MACF1: variants seen among roughly 807,000 people sequenced by gnomAD.
MACF1 encodes the protein microtubule actin crosslinking factor 1.
Under a neutral mutation model 854.8 loss-of-function variants are expected in MACF1, and 193 were observed. The observed-to-expected ratio is 0.23, with a 90% confidence interval of 0.20 to 0.25. MACF1 has a LOEUF of 0.25. Ranked by LOEUF, MACF1 falls within the 10% of genes least tolerant of loss-of-function variation. MACF1 has a pLI of 1.00. For synonymous variants in MACF1, 3,185 were observed against 3,226.7 expected (o/e 0.99, Z 0.44); for missense variants, 7,722 against 8,929.1 (o/e 0.86, Z 5.45).
rs188366750 is a variant in MACF1, at chr1:39,345,815, C to A, written c.10582-1162C>A. On this transcript the variant is annotated intron_variant, in intron 40 of 100. Transcript: ENST00000564288. ...CGGGCGTGTGGCTCACGCCTGTAATCTCAGCACTTTGGGAGGTTAAGGAGG... is the reference window on the plus strand; with the variant it reads ...CGGGCGTGTGGCTCACGCCTGTAATATCAGCACTTTGGGAGGTTAAGGAGG... 4.1e-3 allele frequency among the ~76,000 whole-genome samples: 617 copies of A among 152,254 alleles called. 1 individual carries two copies. The highest frequency in any genetic ancestry group is 7.2e-3 in the Non-Finnish European group (489 of 68,004).
intron 6 of MACF1, among the ~76,000 whole-genome samples, chr1:39,262,098 A>G (rs961475836): frequency 2.0e-5 from 3 of 152,116 alleles, no homozygotes; most frequent in Non-Finnish European, 4.4e-5. Flanking sequence ...AAGGTCTTAG[A>G]TAGAGTGTAT....
Position 39,250,258 on chromosome 1 carries a change from CAGACTT to C in MACF1, c.261+159_261+164del, listed in dbSNP as rs574449318. The C allele has an allele frequency of 1.6e-3, 750 of 456,212 alleles. 2 individuals carry two copies. The highest frequency in any genetic ancestry group is 2.4e-3 in the Non-Finnish European group (606 of 255,600). The allele number at this position is 456,212 out of a possible 1,614,324, so 28.3% of individuals were successfully genotyped here. A position where few individuals can be genotyped will look rare whatever the true frequency, so the allele number is the denominator to read the frequency against. ...ATGTTGGGGGACTTTATTTCTAACT[CAGACTT>C]AGAATTTACAAATTATATAATTTAA... On this transcript the variant is annotated intron_variant, in intron 3 of 100. Coordinates refer to ENST00000564288, the MANE Select transcript of MACF1 (RefSeq NM_001394062.1).
At chr1:39,412,999 G>A (rs370273391) in intron 58 of MACF1, 2 of 1,584,066 alleles carry the variant, frequency 1.3e-6, no homozygotes, top group East Asian at 2.3e-5. Flanking sequence ...TGTCCCAGCT[G>A]TTACAGTATC....
At chr1:39,414,576 G>A (rs776833977) in intron 58 of MACF1, 1 of 1,539,880 alleles carries the variant, frequency 6.5e-7, no homozygotes, top group Non-Finnish European at 8.8e-7. Flanking sequence ...TAGTTCTTTT[G>A]TTCTTTTTGG....
chr1:39,448,825 A>G (rs1644277829), intron 84 of MACF1, 62 bp downstream of exon 84: 3 of 1,383,616 alleles, frequency 2.2e-6, no homozygotes, highest in Non-Finnish European at 1.9e-6. Context: ...GGTTCTTACC[A>G]GATTCTATAA....
chr1:39,100,987 C>T (rs953331077), intron 2 of MACF1, among the ~76,000 whole-genome samples: 1 of 152,126 alleles, frequency 6.6e-6, no homozygotes, highest in African/African-American at 2.4e-5. Flanking sequence ...TCTTGAACTC[C>T]TGGGCTCAAG....
chr1:39,329,754 T>A (rs1646684434), intron 36 of MACF1, among the ~76,000 whole-genome samples: 1 of 152,210 alleles, frequency 6.6e-6, no homozygotes, highest in Non-Finnish European at 1.5e-5. Flanking sequence ...AATCTGAATG[T>A]ATTATTCTGT....
chr1:39,325,684 C>G (rs952884399), intron 35 of MACF1, among the ~76,000 whole-genome samples: 2 of 152,078 alleles, frequency 1.3e-5, no homozygotes, highest in Non-Finnish European at 2.9e-5. Context: ...TTGGGACCAC[C>G]TTTTTTCTGA....
At position 39,477,129 on chromosome 1, in the gene MACF1, T is replaced by TAC. The variant is rs1271205887; in HGVS notation, c.21959-2668_21959-2667insCA. Among the ~76,000 whole-genome samples, 108 of 30,332 alleles carry TAC rather than the reference T, an allele frequency of 3.6e-3. 7 individuals are homozygous for TAC. Among genetic ancestry groups the TAC allele is most frequent in the African/African-American group, 0.013 (98 of 7,774 alleles). 19.9% of individuals were successfully genotyped at this position (30,332 alleles called of 152,430 possible). ...TATATACACTTAGTGTATATATATATATATATACACACACACACACACACA... is the reference window on the plus strand; with the variant it reads ...TATATACACTTAGTGTATATATATATACATATATACACACACACACACACACA... On this transcript the variant is annotated intron_variant, in intron 97 of 100. Transcript: ENST00000564288.
rs749627942 is a variant in MACF1 at position 39,335,413 on chromosome 1, T to C, written c.8825T>C (p.Val2942Ala). The C allele has an allele frequency of 1.6e-4, 261 of 1,614,094 alleles. 1 individual carries two copies. In the Admixed American group the frequency reaches 4.3e-3, roughly 27 times the overall value. ...SEEIRENQGE[V>A]ILEVQETYCE... ...GAAATAAGAGAAAATCAAGGGGAAG[T>C]GATTTTGGAAGTACAAGAAACATAT... The change falls in exon 37 of 101, where the codon GTG becomes GCG. Residue 2942 changes from valine (V) to alanine (A), a missense_variant. Val to Ala is a moderately conservative substitution (Grantham distance 64, BLOSUM62 0). Transcript: ENST00000564288.
At chr1:39,466,093 A>G (rs756619359) in intron 95 of MACF1, among the ~76,000 whole-genome samples, 1 of 152,192 alleles carries the variant, frequency 6.6e-6, no homozygotes, top group East Asian at 1.9e-4. Context: ...AGTTCATTTT[A>G]TACACAGGCA....
intron 52 of MACF1, among the ~76,000 whole-genome samples, chr1:39,377,365 C>A (rs1237306972): frequency 6.6e-6 from 1 of 152,124 alleles, no homozygotes; most frequent in Non-Finnish European, 1.5e-5. Flanking sequence ...GAAGTCAGTG[C>A]ATATGAGAGT....
chr1:39,423,943 T>G (rs1012478477), intron 60 of MACF1, 85 bp from the exon 61 acceptor site: 99 of 1,167,622 alleles, frequency 8.5e-5, no homozygotes, highest in Admixed American at 6.2e-4. Flanking sequence ...ATTTGGCGGG[T>G]TGGTTTCTTT....
At chr1:39,237,883 C>T (rs751083303) in intron 2 of MACF1, among the ~76,000 whole-genome samples, 31 of 151,756 alleles carry the variant, frequency 2.0e-4, no homozygotes, top group African/African-American at 7.3e-4. Flanking sequence ...TTAATGAAAA[C>T]GTTAAACATA....
intron 6 of MACF1, among the ~76,000 whole-genome samples, chr1:39,260,192 A>G (rs536526039): frequency 2.6e-5 from 4 of 152,212 alleles, no homozygotes; most frequent in South Asian, 2.1e-4. Context: ...TGGCATGACC[A>G]CAGTGGTCTT....
intron 2 of MACF1, chr1:39,103,117 A>C: frequency 1.2e-5 from 6 of 517,518 alleles, no homozygotes; most frequent in Non-Finnish European, 2.1e-5. Flanking sequence ...CTAAAGCAGA[A>C]GTTTCTTCTT....
chr1:39,194,090 C>T (rs191228007), intron 2 of MACF1, among the ~76,000 whole-genome samples: 2 of 152,140 alleles, frequency 1.3e-5, no homozygotes, highest in East Asian at 3.9e-4. Flanking sequence ...ACCTCGTCCT[C>T]CCAAAGTGCT....
In MACF1 at chr1:39,190,369, T is replaced by TTCTG. The variant is rs761380199; in HGVS notation, c.221-40812_221-40811insCTGT. On this transcript the variant is annotated intron_variant, in intron 2 of 93. Coordinates refer to the MACF1 transcript ENST00000361689. ...CTTTTCTTTCTTTCTTTCTCTTCTT[T>TTCTG]TGTGTGTGTGTGTGTGTGTGTGTTT... is the stretch of plus-strand genomic sequence containing the variant. 2.5e-3 allele frequency among the ~76,000 whole-genome samples: 309 copies of TTCTG among 125,654 alleles called. 4 individuals carry two copies. Among genetic ancestry groups the TTCTG allele is most frequent in the African/African-American group, 7.4e-3 (259 of 34,952 alleles). The allele number at this position is 125,654 out of a possible 152,430, so 82.4% of individuals were successfully genotyped here.
At chr1:39,361,861 A>G (rs1005491455) in intron 49 of MACF1, among the ~76,000 whole-genome samples, 184 bp downstream of exon 49, 2 of 152,144 alleles carry the variant, frequency 1.3e-5, no homozygotes, top group Admixed American at 1.3e-4. Flanking sequence ...AACACAGTCA[A>G]TATTTATTTT....
Sources: allele counts gnomAD v4.1 joint callset (sites outside exome capture counted in the v4.1 genomes callset), GRCh38; gene constraint gnomAD v4.1.1; transcripts MANE v1.5; gene names NCBI Gene and HGNC (gene_info 2026-07-23, HGNC 2026-07-21).